The following FBXL13 variants were observed in gnomAD, a reference collection of about 807,000 sequenced individuals.
The protein encoded by FBXL13 is F-box and leucine-rich repeat protein 13.
FBXL13 carries 67 observed loss-of-function variants against 83.6 expected under a neutral mutation model. The ratio of observed to expected loss-of-function variants is 0.80; its 90% CI spans 0.66 to 0.98. The LOEUF is 0.98. Among genes scored for constraint, FBXL13 ranks in the 50% least tolerant of loss-of-function variants. FBXL13 has a pLI of 0.00. For missense variants in FBXL13, 822 were observed against 866.5 expected, an observed-to-expected ratio of 0.95 and a Z score of 0.64; for synonymous variants, 272 against 299.5, an observed-to-expected ratio of 0.91 and a Z score of 0.95.
At chr7:103,060,445 T>C (rs1040163554) in intron 1 of FBXL13, among the ~76,000 whole-genome samples, 6 of 152,124 alleles carry the variant, frequency 3.9e-5, no homozygotes, top group African/African-American at 1.2e-4. Context: ...AAATATTCCC[T>C]TGTACCACTC....
chr7:102,823,085 C>CA (rs933051595), intron 18 of FBXL13, among the ~76,000 whole-genome samples: 9 of 151,920 alleles, frequency 5.9e-5, no homozygotes, highest in Non-Finnish European at 7.4e-5. Context: ...ACCCCCCACA[C>CA]AAAAAAAGTT....
intron 10 of FBXL13, among the ~76,000 whole-genome samples, chr7:102,920,859 G>GT (rs1244093605): frequency 6.6e-6 from 1 of 152,160 alleles, no homozygotes; most frequent in Non-Finnish European, 1.5e-5. Flanking sequence ...GTTGATAACA[G>GT]TTAAAAACTT....
chr7:102,946,968 GC>G lies in FBXL13; in HGVS notation c.725-15036del, dbSNP rs567282418. Among the ~76,000 whole-genome samples the G allele has an allele frequency of 3.6e-4, 55 of 152,230 alleles. 2 individuals carry two copies. The South Asian group carries it at 4.4e-3, about 12-fold the overall frequency. The stretch of plus-strand genomic sequence containing the variant: ...TGAGATTACAGGCATGAGCCACTGA[GC>G]CTGGACTGGATTGTGAGGTTCTAAC... On this transcript the variant is annotated intron_variant, in intron 8 of 19. Coordinates refer to ENST00000313221, the Ensembl canonical transcript of FBXL13.
chr7:102,939,642 T>C, intron 8 of FBXL13: 2 of 1,467,590 alleles, frequency 1.4e-6, no homozygotes, highest in Non-Finnish European at 1.9e-6. Flanking sequence ...GATTTTTTTC[T>C]ATGGCAACAC....
chr7:102,854,082 T>C (rs1805668884), intron 17 of FBXL13, among the ~76,000 whole-genome samples: 1 of 152,252 alleles, frequency 6.6e-6, no homozygotes, highest in Middle Eastern at 3.4e-3. Flanking sequence ...GTATGTTTAT[T>C]GTGGCGCTAT....
chr7:102,893,781 A>AG (rs1563054736), intron 11 of FBXL13, among the ~76,000 whole-genome samples: 5 of 150,048 alleles, frequency 3.3e-5, no homozygotes, highest in Non-Finnish European at 7.4e-5. Context: ...AAAAAAAAAA[A>AG]AAAGAAAGAA....
chr7:102,897,127 A>G (rs1023968320), intron 11 of FBXL13, among the ~76,000 whole-genome samples: 1 of 151,530 alleles, frequency 6.6e-6, no homozygotes, highest in Non-Finnish European at 1.5e-5. Flanking sequence ...ATATATATGT[A>G]TATGTGTGTA....
chr7:103,074,157 A>C (rs1799370348), intron 1 of FBXL13: 2 of 873,006 alleles, frequency 2.3e-6, no homozygotes, highest in Admixed American at 5.8e-5. Context: ...GGCTGACTAC[A>C]CTGACCAAAG....
intron 5 of FBXL13, among the ~76,000 whole-genome samples, chr7:103,026,049 T>C (rs530105121): frequency 2.6e-5 from 4 of 151,474 alleles, no homozygotes; most frequent in Admixed American, 6.6e-5. Flanking sequence ...ATTATATATA[T>C]TAATATATAT....
intron 16 of FBXL13, among the ~76,000 whole-genome samples, chr7:102,859,453 C>T (rs1806498197): frequency 6.6e-6 from 1 of 152,044 alleles, no homozygotes; most frequent in Non-Finnish European, 1.5e-5. Context: ...ATGTCAGAGC[C>T]AGCAAGGTAA....
At chr7:103,068,454 G>A (rs1299629354) in intron 1 of FBXL13, among the ~76,000 whole-genome samples, 1 of 152,192 alleles carries the variant, frequency 6.6e-6, no homozygotes, top group African/African-American at 2.4e-5. Context: ...TGAGTAGGAT[G>A]TGGAAAGTCA....
At chr7:102,871,143 C>T (rs1452734105) in intron 16 of FBXL13, among the ~76,000 whole-genome samples, 1 of 152,082 alleles carries the variant, frequency 6.6e-6, no homozygotes, top group Non-Finnish European at 1.5e-5. Flanking sequence ...CATTTCTCCT[C>T]ATGCCCCTAT....
intron 16 of FBXL13, among the ~76,000 whole-genome samples, chr7:102,866,309 T>C (rs1309155722): frequency 6.6e-6 from 1 of 152,150 alleles, no homozygotes; most frequent in Non-Finnish European, 1.5e-5. Context: ...GTAGGCACTT[T>C]GCTAGAAACA....
intron 10 of FBXL13, among the ~76,000 whole-genome samples, chr7:102,922,150 A>ATTCCAGC (rs1817169089): frequency 6.6e-6 from 1 of 151,866 alleles, no homozygotes; most frequent in African/African-American, 2.4e-5. Flanking sequence ...AGGTCGTGCC[A>ATTCCAGC]CTGCATTCCA....
intron 6 of FBXL13, among the ~76,000 whole-genome samples, chr7:103,024,126 A>G (rs917271421): frequency 3.4e-5 from 5 of 145,820 alleles, no homozygotes; most frequent in African/African-American, 1.3e-4. Context: ...ACCTAAAATA[A>G]AAGTTAAAAA....
intron 6 of FBXL13, among the ~76,000 whole-genome samples, chr7:103,019,063 A>C (rs181360939): frequency 6.9e-4 from 105 of 152,362 alleles, no homozygotes; most frequent in East Asian, 6.4e-3. Context: ...AATTGATCAC[A>C]TAGTTGGAAG....
chr7:103,071,714 T>C (rs1798980064), intron 1 of FBXL13, among the ~76,000 whole-genome samples: 1 of 152,004 alleles, frequency 6.6e-6, no homozygotes, highest in Admixed American at 6.6e-5. Flanking sequence ...AAAAAATCAG[T>C]CTCTATTCAA....
At chr7:103,025,099 A>G (rs776774476) in exon 6 of FBXL13, 2 of 1,612,150 alleles carry the variant, frequency 1.2e-6, no homozygotes, top group Non-Finnish European at 1.7e-6. Context: ...GTGAAATGTC[A>G]CATTTTAGAG....
At chr7:102,909,838 G>T (rs1218710477) in intron 11 of FBXL13, among the ~76,000 whole-genome samples, 1 of 152,194 alleles carries the variant, frequency 6.6e-6, no homozygotes, top group Non-Finnish European at 1.5e-5. Flanking sequence ...GGATCGATGA[G>T]CTGTGAGGCT....
Sources: allele counts gnomAD v4.1 joint callset (sites outside exome capture counted in the v4.1 genomes callset), GRCh38; gene constraint gnomAD v4.1.1; transcripts MANE v1.5; gene names NCBI Gene and HGNC (gene_info 2026-07-23, HGNC 2026-07-21).